The following CHCHD6 variants were observed in gnomAD, a reference collection of about 807,000 sequenced individuals.
The protein encoded by CHCHD6 is coiled-coil-helix-coiled-coil-helix domain containing 6, also known as MICOS complex subunit MIC25.
CHCHD6 carries 28 observed loss-of-function variants against 32.3 expected under a neutral mutation model. The observed-to-expected ratio is 0.87, with a 90% CI of 0.64 to 1.19. The LOEUF is 1.19. CHCHD6 is among the 50% of genes most tolerant of loss of function. The probability of loss-of-function intolerance (pLI) is 0.00; values close to 1 mark genes in which losing one functional copy is unlikely to be tolerated. For synonymous variants in CHCHD6, 122 were observed against 117.5 expected (o/e 1.04, Z -0.25); for missense variants, 333 against 307.0 (o/e 1.08, Z -0.63).
At chr3:126,754,050 G>T (rs545458316) in intron 4 of CHCHD6, among the ~76,000 whole-genome samples, 1 of 152,308 alleles carries the variant, frequency 6.6e-6, no homozygotes, top group South Asian at 2.1e-4. Context: ...CTGTTACCCT[G>T]ATCTGTAATC....
chr3:126,763,688 A>G (rs1937247456), intron 4 of CHCHD6, among the ~76,000 whole-genome samples: 1 of 152,146 alleles, frequency 6.6e-6, no homozygotes, highest in Non-Finnish European at 1.5e-5. Flanking sequence ...TGTGGTTACA[A>G]TGGGGATTAC....
At chr3:126,945,708 C>T (rs1212754952) in intron 6 of CHCHD6, among the ~76,000 whole-genome samples, 19 of 64,848 alleles carry the variant, frequency 2.9e-4, no homozygotes, top group African/African-American at 1.2e-3. Context: ...CGGGGAGACT[C>T]GGGGAGACTC....
intron 4 of CHCHD6, among the ~76,000 whole-genome samples, chr3:126,791,455 CT>C (rs1938536830): frequency 6.6e-6 from 1 of 152,248 alleles, no homozygotes; most frequent in Admixed American, 6.5e-5. Flanking sequence ...CCTCCTTGAG[CT>C]GCAGTGGGCT....
chr3:126,759,969 A>G (rs984203545), intron 4 of CHCHD6, among the ~76,000 whole-genome samples: 3 of 152,172 alleles, frequency 2.0e-5, no homozygotes, highest in Non-Finnish European at 2.9e-5. Context: ...AAGGGGGAAT[A>G]GGCGTCTCAC....
At chr3:126,756,601 T>A (rs1322359207) in intron 4 of CHCHD6, among the ~76,000 whole-genome samples, 1 of 152,210 alleles carries the variant, frequency 6.6e-6, no homozygotes, top group Non-Finnish European at 1.5e-5. Flanking sequence ...CTGGATAACC[T>A]TGAGCAAATT....
intron 4 of CHCHD6, among the ~76,000 whole-genome samples, chr3:126,739,063 C>T (rs1936177471): frequency 6.6e-6 from 1 of 152,168 alleles, no homozygotes; most frequent in African/African-American, 2.4e-5. Context: ...GGCCTTGTCC[C>T]TTATACCTCC....
At chr3:126,938,472 G>A (rs550809950) in intron 6 of CHCHD6, among the ~76,000 whole-genome samples, 2 of 152,354 alleles carry the variant, frequency 1.3e-5, no homozygotes, top group South Asian at 4.1e-4. Flanking sequence ...CATGTAATCA[G>A]GATTCGATAA....
intron 5 of CHCHD6, among the ~76,000 whole-genome samples, chr3:126,893,371 G>A (rs1053482012): frequency 6.6e-6 from 1 of 152,184 alleles, no homozygotes; most frequent in Non-Finnish European, 1.5e-5. Flanking sequence ...TCATTGAGGT[G>A]TCTCATAGCC....
chr3:126,766,400 G>A (rs1022707947), intron 4 of CHCHD6: 8 of 545,838 alleles, frequency 1.5e-5, no homozygotes, highest in Non-Finnish European at 2.7e-5. Flanking sequence ...CAGCTGCCAC[G>A]AGAGGTGTAG....
intron 5 of CHCHD6, among the ~76,000 whole-genome samples, chr3:126,872,258 A>G (rs1004535489): frequency 2.0e-5 from 3 of 152,138 alleles, no homozygotes; most frequent in Admixed American, 1.3e-4. Flanking sequence ...TGACAGTGCC[A>G]GGTACCATGG....
intron 6 of CHCHD6, among the ~76,000 whole-genome samples, chr3:126,915,367 G>A (rs1374325230): frequency 6.6e-6 from 1 of 152,222 alleles, no homozygotes; most frequent in African/African-American, 2.4e-5. Flanking sequence ...GCAGGGAGGT[G>A]CTCACAGTGT....
At chr3:126,952,945 A>G (rs1209961183) in intron 6 of CHCHD6, 2 of 984,486 alleles carry the variant, frequency 2.0e-6, no homozygotes, top group African/African-American at 1.7e-5. Flanking sequence ...GTCTGTGGCC[A>G]TCACATTCTC....
At chr3:126,807,508 A>G (rs936572365) in intron 4 of CHCHD6, among the ~76,000 whole-genome samples, 2 of 152,142 alleles carry the variant, frequency 1.3e-5, no homozygotes, top group Admixed American at 6.6e-5. Context: ...AAAATATGAG[A>G]GAAACATTAG....
At chr3:126,865,841 A>G in intron 5 of CHCHD6, 1 of 740,658 alleles carries the variant, frequency 1.4e-6, no homozygotes, top group Non-Finnish European at 1.6e-6. Context: ...GGGGAAGCAG[A>G]AACTGCAACC....
At chr3:126,862,294 T>C (rs1211676236) in intron 5 of CHCHD6, among the ~76,000 whole-genome samples, 5 of 118,828 alleles carry the variant, frequency 4.2e-5, no homozygotes, top group Admixed American at 8.3e-5. Flanking sequence ...CACCACCTCC[T>C]CCTCCTCCTC....
intron 4 of CHCHD6, among the ~76,000 whole-genome samples, chr3:126,833,894 A>T (rs1471087118): frequency 6.6e-6 from 1 of 151,316 alleles, no homozygotes; most frequent in Non-Finnish European, 1.5e-5. Context: ...TCTCTACTAA[A>T]ACTACAAAAA....
intron 6 of CHCHD6, among the ~76,000 whole-genome samples, chr3:126,932,143 G>A (rs2107599082): frequency 6.6e-6 from 1 of 152,284 alleles, no homozygotes; most frequent in South Asian, 2.1e-4. Context: ...TTAGAGGAGA[G>A]AGGGGCTTCA....
At chr3:126,954,189 A>T (rs2078753862) in intron 6 of CHCHD6, among the ~76,000 whole-genome samples, 2 of 152,178 alleles carry the variant, frequency 1.3e-5, no homozygotes, top group African/African-American at 4.8e-5. Context: ...TCATGGTCCC[A>T]CGGGCGATAC....
chr3:126,704,262 T>C lies in CHCHD6; in HGVS notation c.-51T>C, dbSNP rs371171901. The C allele has an allele frequency of 1.4e-5, 20 of 1,479,122 alleles. No homozygotes were observed. In the Admixed American group the frequency reaches 3.1e-4, roughly 23 times the overall value. The allele number at this position is 1,479,122 out of a possible 1,614,324, so 91.6% of individuals were successfully genotyped here. A position where few individuals can be genotyped will look rare whatever the true frequency, so the allele number is the denominator to read the frequency against. ...TGGAAAGCGTTGTTGGCCCGGTTGC[T>C]CTGGAGCCGGGTCTCGGGTCTGGTG... On this transcript the variant is annotated 5_prime_UTR_variant, in exon 1 of 8. Transcript: ENST00000290913.
Sources: allele counts gnomAD v4.1 joint callset (sites outside exome capture counted in the v4.1 genomes callset), GRCh38; gene constraint gnomAD v4.1.1; transcripts MANE v1.5; gene names NCBI Gene and HGNC (gene_info 2026-07-23, HGNC 2026-07-21).